SH3BP2: variants seen among roughly 807,000 people sequenced by gnomAD.
SH3BP2 encodes the protein SH3 domain-binding protein 2.
Under a neutral mutation model 56.2 loss-of-function variants are expected in SH3BP2, and 38 were observed. That is an observed-to-expected ratio of 0.68 (90% CI 0.52 to 0.89). SH3BP2 has a LOEUF of 0.89. Among genes scored for constraint, SH3BP2 ranks in the 40% least tolerant of loss-of-function variants. The pLI, the probability that SH3BP2 is intolerant of heterozygous loss-of-function variation, is 0.00. For missense variants in SH3BP2, 748 were observed against 762.6 expected (o/e 0.98, Z 0.23); for synonymous variants, 346 against 316.7 (o/e 1.09, Z -0.98).
rs544207855 is a variant in SH3BP2 at position 2,824,388 on chromosome 4, C to T, written c.240-225C>T. 6.8e-4 allele frequency among the ~76,000 whole-genome samples: 103 copies of T among 152,256 alleles called. 1 individual carries two copies. The highest frequency in any genetic ancestry group is 1.2e-3 in the Non-Finnish European group (82 of 68,004). On this transcript the variant is annotated intron_variant, in intron 3 of 12. Transcript: ENST00000503393. ...CTTGTCTCCTGTGCACTGCTGCTCC[C>T]ACGAAGCCCACCCAGCACCCCTCTT...
intron 1 of SH3BP2, chr4:2,811,978 T>C (rs1314883303): frequency 6.6e-6 from 2 of 304,602 alleles, no homozygotes; most frequent in Non-Finnish European, 1.3e-5. Flanking sequence ...GGTTGTTTCA[T>C]GGTTTGCTAG....
Position 2,802,724 on chromosome 4 carries a change from C to T in SH3BP2, c.-5+9586C>T, listed in dbSNP as rs541875926. 4.3e-5 allele frequency among the ~76,000 whole-genome samples: 6 copies of T among 139,428 alleles called. No homozygotes were observed. The South Asian group carries it at 1.1e-3, about 25-fold the overall frequency. The allele number at this position is 139,428 out of a possible 152,430, so 91.5% of individuals were successfully genotyped here. On this transcript the variant is annotated intron_variant, in intron 1 of 12. Coordinates refer to ENST00000503393, the MANE Select transcript of SH3BP2 (RefSeq NM_001122681.2). ...ATGTATATCTATATACACACACACA[C>T]GTAACGTTAGGGAAAAAGGATCACA...
At position 2,824,812 on chromosome 4, in the gene SH3BP2, C is replaced by T. The variant is rs769384311; in HGVS notation, c.357+82C>T. 6.9e-5 allele frequency: 75 copies of T among 1,092,886 alleles called. No individual in the cohort carries two copies. In the African/African-American group the frequency reaches 8.5e-4, roughly 12 times the overall value. 67.7% of individuals were successfully genotyped at this position (1,092,886 alleles called of 1,614,324 possible). On this transcript the variant is annotated intron_variant, in intron 4 of 12. Coordinates refer to ENST00000503393, the MANE Select transcript of SH3BP2 (RefSeq NM_001122681.2). ...CCAGGCTGGACCTGCCTTGGGGGCT[C>T]GCTGGTCCTGGGGCGCTGGCCTCTC...
At chr4:2,799,067 G>T (rs921533014) in intron 1 of SH3BP2, 4 of 985,382 alleles carry the variant, frequency 4.1e-6, no homozygotes, top group Middle Eastern at 1.0e-3. Context: ...GACTAATGGC[G>T]CTCAGGGGTG....
Position 2,838,321 on chromosome 4 carries a change from C to G in SH3BP2, c.*4487C>G, listed in dbSNP as rs1725304794. 6.6e-6 allele frequency: 1 copy of G among 152,240 alleles called. No individual in the cohort carries two copies. Among genetic ancestry groups the G allele is most frequent in the African/African-American group, 2.4e-5 (1 of 41,472 alleles). The allele number at this position is 152,240 out of a possible 1,614,324, so 9.4% of individuals were successfully genotyped here. On this transcript the variant is annotated 3_prime_UTR_variant, in exon 13 of 13. Transcript: ENST00000503393. ...TTGTGTTCTTGTTTTTCTAAAAAGT[C>G]TTCAGCACCCAATTATGCAGGCATT...
At chr4:2,804,454 T>A (rs535459264) in intron 1 of SH3BP2, among the ~76,000 whole-genome samples, 1 of 152,266 alleles carries the variant, frequency 6.6e-6, no homozygotes, top group Admixed American at 6.5e-5. Context: ...CCAACCAGCC[T>A]CCCCAGGGGC....
Position 2,838,936 on chromosome 4 carries a change from T to C in SH3BP2, c.*5102T>C, listed in dbSNP as rs1725326747. On this transcript the variant is annotated 3_prime_UTR_variant, in exon 13 of 13. Transcript: ENST00000503393. ...ATGAAGATCTTTCTAAATATTGTTCTAGTTTACGTGCCCACCAGCAGTAAA... is the reference window on the plus strand; with the variant it reads ...ATGAAGATCTTTCTAAATATTGTTCCAGTTTACGTGCCCACCAGCAGTAAA... The C allele has an allele frequency of 6.6e-6, 1 of 152,214 alleles. No homozygotes were observed. Among genetic ancestry groups the C allele is most frequent in the Non-Finnish European group, 1.5e-5 (1 of 68,048 alleles). 9.4% of individuals were successfully genotyped at this position (152,214 alleles called of 1,614,324 possible). A position where few individuals can be genotyped will look rare whatever the true frequency, so the allele number is the denominator to read the frequency against.
rs146983274 is a variant in SH3BP2, at chr4:2,809,710, T to C, written c.-4-10904T>C. 1.9e-3 allele frequency: 1,594 copies of C among 838,136 alleles called. 4 individuals carry two copies. Among genetic ancestry groups the C allele is most frequent in the Middle Eastern group, 0.01 (17 of 1,644 alleles). 51.9% of individuals were successfully genotyped at this position (838,136 alleles called of 1,614,324 possible). Reference sequence around the variant, plus strand: ...AGACACCACCCACTGTGCTGGGTGTTTGCCTTACTCCTGAGCGGGCTGAAG... The same window carrying C: ...AGACACCACCCACTGTGCTGGGTGTCTGCCTTACTCCTGAGCGGGCTGAAG... On this transcript the variant is annotated intron_variant, in intron 1 of 12. Coordinates refer to ENST00000503393, the MANE Select transcript of SH3BP2 (RefSeq NM_001122681.2).
At chr4:2,812,142 G>T in intron 1 of SH3BP2, 1 of 1,405,656 alleles carries the variant, frequency 7.1e-7, no homozygotes, top group South Asian at 1.5e-5. Context: ...TTAAAACCCG[G>T]ATGGTGGATG....
chr4:2,812,696 G>A (rs1723806509), intron 1 of SH3BP2, among the ~76,000 whole-genome samples: 1 of 152,064 alleles, frequency 6.6e-6, no homozygotes, highest in Non-Finnish European at 1.5e-5. Context: ...ACAGGGGGAG[G>A]CCAGAGAGGG....
intron 1 of SH3BP2, among the ~76,000 whole-genome samples, chr4:2,811,263 G>GT (rs1177818071): frequency 6.6e-6 from 1 of 152,228 alleles, no homozygotes; most frequent in Non-Finnish European, 1.5e-5. Context: ...CGGGGCTGGG[G>GT]TCCAGGGTTT....
chr4:2,802,385 C>T lies in SH3BP2; in HGVS notation c.-5+9247C>T, dbSNP rs560041105. ...TTCTAGCCTGGGCACCAAAGTGAGA[C>T]TCTGTCTCAAAAAAATATATGTGTG... On this transcript the variant is annotated intron_variant, in intron 1 of 12. Coordinates refer to ENST00000503393, the MANE Select transcript of SH3BP2 (RefSeq NM_001122681.2). Among the ~76,000 whole-genome samples the T allele has an allele frequency of 8.3e-4, 123 of 148,206 alleles. 1 individual carries two copies. In the South Asian group the frequency reaches 0.017, roughly 20 times the overall value.
intron 4 of SH3BP2, 106 bp from the exon 5 acceptor site, chr4:2,825,019 TC>T: frequency 8.9e-7 from 1 of 1,120,740 alleles, no homozygotes; most frequent in Non-Finnish European, 1.3e-6. Flanking sequence ...GGTCGCCTCC[TC>T]TGACCTTGGG....
chr4:2,821,148 G>C (rs1183487000), intron 2 of SH3BP2, among the ~76,000 whole-genome samples: 1 of 152,244 alleles, frequency 6.6e-6, no homozygotes, highest in Admixed American at 6.5e-5. Context: ...CTCTGGAGCT[G>C]CACAAGACCC....
intron 1 of SH3BP2, among the ~76,000 whole-genome samples, chr4:2,795,647 A>G (rs1723036331): frequency 1.3e-5 from 2 of 152,270 alleles, no homozygotes. Flanking sequence ...GGGCCAATGA[A>G]TACAGGGTGG....
At chr4:2,808,160 G>A (rs1039825960) in intron 1 of SH3BP2, among the ~76,000 whole-genome samples, 1 of 152,192 alleles carries the variant, frequency 6.6e-6, no homozygotes, top group African/African-American at 2.4e-5. Flanking sequence ...GGTCTACAGG[G>A]CTGTGTTGCC....
At chr4:2,801,823 A>G (rs1723293241) in intron 1 of SH3BP2, among the ~76,000 whole-genome samples, 1 of 152,268 alleles carries the variant, frequency 6.6e-6, no homozygotes, top group African/African-American at 2.4e-5. Flanking sequence ...GTTTAAAAAT[A>G]TTAGCCAGGC....
At chr4:2,801,710 A>G (rs1199581118) in intron 1 of SH3BP2, among the ~76,000 whole-genome samples, 1 of 152,242 alleles carries the variant, frequency 6.6e-6, no homozygotes, top group Non-Finnish European at 1.5e-5. Context: ...AAAATTTACT[A>G]AGGAATAAAA....
Position 2,837,804 on chromosome 4 carries a change from G to A in SH3BP2, c.*3970G>A, listed in dbSNP as rs987038156. ...TCCCTCCACCTAGACTGCCTGCTGA[G>A]GGGGCAGTGCCAGGAGGTTGCCTGT... On this transcript the variant is annotated 3_prime_UTR_variant, in exon 13 of 13. Transcript: ENST00000503393. The A allele has an allele frequency of 5.2e-5, 8 of 152,422 alleles. No homozygotes were observed. Among genetic ancestry groups the A allele is most frequent in the Non-Finnish European group, 8.8e-5 (6 of 68,238 alleles). The allele number at this position is 152,422 out of a possible 1,614,324, so 9.4% of individuals were successfully genotyped here.
Sources: allele counts gnomAD v4.1 joint callset (sites outside exome capture counted in the v4.1 genomes callset), GRCh38; gene constraint gnomAD v4.1.1; transcripts MANE v1.5; gene names NCBI Gene and HGNC (gene_info 2026-07-23, HGNC 2026-07-21).